The following TBL1XR1 variants were observed in gnomAD, a reference collection of about 807,000 sequenced individuals.
The protein encoded by TBL1XR1 is F-box-like/WD repeat-containing protein TBL1XR1.
In TBL1XR1, 5 loss-of-function variants were observed where a neutral mutation model predicts 66.9. That is an observed-to-expected ratio of 0.07 (90% CI 0.04 to 0.16). The LOEUF is 0.16. Among genes scored for constraint, TBL1XR1 ranks in the 10% least tolerant of loss-of-function variants. The pLI is 1.00. For synonymous variants in TBL1XR1, 210 were observed against 206.0 expected (o/e 1.02, Z -0.17); for missense variants, 238 against 623.2 (o/e 0.38, Z 6.58).
intron 1 of TBL1XR1, among the ~76,000 whole-genome samples, chr3:177,183,671 C>A (rs1735084585): frequency 6.6e-6 from 1 of 152,012 alleles, no homozygotes; most frequent in African/African-American, 2.4e-5. Context: ...CTACACCTTG[C>A]GAATTTTTTC....
At position 177,185,606 on chromosome 3, in the gene TBL1XR1, C is replaced by CAA. The variant is rs67181434; in HGVS notation, c.-122+11513_-122+11514dup. Among the ~76,000 whole-genome samples the CAA allele has an allele frequency of 4.1e-3, 590 of 144,984 alleles. 1 individual carries two copies. Among genetic ancestry groups the CAA allele is most frequent in the African/African-American group, 0.01 (406 of 39,376 alleles). ...CTGGGTCACAGAATGAGACTGTTTC[C>CAA]AAAAAAAAAAAACCAGTATTTTCTG... On this transcript the variant is annotated intron_variant, in intron 1 of 15. Transcript: ENST00000457928.
chr3:177,201,133 C>A (rs940368126), upstream of TBL1XR1, among the ~76,000 whole-genome samples: 2 of 151,002 alleles, frequency 1.3e-5, no homozygotes, highest in Admixed American at 1.3e-4. Flanking sequence ...ACTTGTTTTG[C>A]CGGGTGCAGT....
chr3:177,135,879 T>TA (rs891940606), intron 1 of TBL1XR1, among the ~76,000 whole-genome samples: 24 of 151,958 alleles, frequency 1.6e-4, no homozygotes, highest in African/African-American at 4.8e-4. Context: ...CTCTGGAGGT[T>TA]AATCCCAGAG....
intron 10 of TBL1XR1, 55 bp downstream of exon 10, chr3:177,046,074 T>C: frequency 7.4e-7 from 1 of 1,352,302 alleles, no homozygotes; most frequent in Non-Finnish European, 1.0e-6. Context: ...GTTAAAAGTT[T>C]AATTAGAAAA....
At chr3:177,069,107 C>A (rs1420550363) in intron 2 of TBL1XR1, among the ~76,000 whole-genome samples, 1 of 152,086 alleles carries the variant, frequency 6.6e-6, no homozygotes, top group Non-Finnish European at 1.5e-5. Context: ...TCTGTGTCAT[C>A]TATAAAATGA....
chr3:177,109,943 G>A (rs114401753), intron 1 of TBL1XR1, among the ~76,000 whole-genome samples: 393 of 152,252 alleles, frequency 2.6e-3, no homozygotes, highest in Middle Eastern at 6.8e-3. Context: ...TTATATCTTG[G>A]TGTTGTCCGC....
At chr3:177,066,394 G>A (rs1279864112) in intron 2 of TBL1XR1, among the ~76,000 whole-genome samples, 1 of 152,084 alleles carries the variant, frequency 6.6e-6, no homozygotes, top group Non-Finnish European at 1.5e-5. Context: ...TCAGACTAAA[G>A]GAGGGGCACG....
At position 177,181,050 on chromosome 3, in the gene TBL1XR1, T is replaced by C. The variant is rs75269918; in HGVS notation, c.-122+16071A>G. ...GCACTGGACCCCAGACCCGCTATCCTGGATATTTTCATCAGTGAGCTAGAA... is the reference window on the plus strand; with the variant it reads ...GCACTGGACCCCAGACCCGCTATCCCGGATATTTTCATCAGTGAGCTAGAA... On this transcript the variant is annotated intron_variant, in intron 1 of 15. Coordinates refer to ENST00000457928, the MANE Select transcript of TBL1XR1 (RefSeq NM_024665.7). Among the ~76,000 whole-genome samples, 324 of 152,174 alleles carry C rather than the reference T, an allele frequency of 2.1e-3. 2 individuals are homozygous for C. The highest frequency in any genetic ancestry group is 7.5e-3 in the African/African-American group (310 of 41,522).
intron 1 of TBL1XR1, chr3:177,110,822 G>C (rs1725466282): frequency 6.6e-6 from 1 of 152,164 alleles, no homozygotes; most frequent in Non-Finnish European, 1.5e-5. Flanking sequence ...CTCTTCATGA[G>C]AGAAAAGAAG....
At chr3:177,163,378 G>A (rs1268900227) in intron 1 of TBL1XR1, among the ~76,000 whole-genome samples, 3 of 151,798 alleles carry the variant, frequency 2.0e-5, no homozygotes, top group African/African-American at 7.3e-5. Flanking sequence ...GCATGGTGGC[G>A]GGCACCTGTA....
At chr3:177,088,218 A>C (rs1722394621) in intron 2 of TBL1XR1, among the ~76,000 whole-genome samples, 2 of 152,210 alleles carry the variant, frequency 1.3e-5, no homozygotes. Context: ...AAAATTCAAA[A>C]TCCAGAATGT....
intron 3 of TBL1XR1, among the ~76,000 whole-genome samples, chr3:177,059,746 G>T (rs1242740264): frequency 6.6e-6 from 1 of 152,114 alleles, no homozygotes; most frequent in East Asian, 1.9e-4. Flanking sequence ...ACAAAGTATT[G>T]TTCCTGGATA....
chr3:177,162,685 G>A (rs1732367639), intron 1 of TBL1XR1, among the ~76,000 whole-genome samples: 1 of 152,092 alleles, frequency 6.6e-6, no homozygotes, highest in African/African-American at 2.4e-5. Context: ...TCAACTAAAA[G>A]AAAGTTTACT....
At chr3:177,187,390 C>CAAAAA (rs57592940) in intron 1 of TBL1XR1, among the ~76,000 whole-genome samples, 1 of 68,672 alleles carries the variant, frequency 1.5e-5, no homozygotes. Flanking sequence ...GACTCTATCT[C>CAAAAA]AAAAAAAAAA....
rs775333140 is a variant in TBL1XR1, at chr3:177,152,037, ATAC to A, written c.-122+45081_-122+45083del. 3.9e-5 allele frequency among the ~76,000 whole-genome samples: 6 copies of A among 152,256 alleles called. No individual in the cohort carries two copies. In the East Asian group the frequency reaches 1.2e-3, roughly 29 times the overall value. On this transcript the variant is annotated intron_variant, in intron 1 of 15. Coordinates refer to ENST00000457928, the MANE Select transcript of TBL1XR1 (RefSeq NM_024665.7). ...AAGAAACTGTACTCTTTTGTCCTAA[ATAC>A]TACTACTGAATACAATTTGTTCCAA...
intron 1 of TBL1XR1, among the ~76,000 whole-genome samples, chr3:177,119,136 T>C (rs1726678988): frequency 6.6e-6 from 1 of 152,138 alleles, no homozygotes; most frequent in African/African-American, 2.4e-5. Flanking sequence ...CACACCCGGC[T>C]ACTATTTGTA....
intron 1 of TBL1XR1, among the ~76,000 whole-genome samples, chr3:177,171,777 C>A (rs1415710673): frequency 6.8e-6 from 1 of 146,488 alleles, no homozygotes; most frequent in Non-Finnish European, 1.5e-5. Flanking sequence ...GGAGAAATGG[C>A]TGACTCTAGG....
At chr3:177,110,565 G>A (rs1725429653) in intron 1 of TBL1XR1, among the ~76,000 whole-genome samples, 1 of 151,708 alleles carries the variant, frequency 6.6e-6, no homozygotes, top group Admixed American at 6.6e-5. Context: ...AAGGATAAAT[G>A]TCTGTGAAAA....
Position 177,195,332 on chromosome 3 carries a change from T to C in TBL1XR1, c.-122+1789A>G, listed in dbSNP as rs1427761205. 2.6e-5 allele frequency among the ~76,000 whole-genome samples: 4 copies of C among 151,798 alleles called. No individual in the cohort carries two copies. In the East Asian group the frequency reaches 7.7e-4, roughly 29 times the overall value. On this transcript the variant is annotated intron_variant, in intron 1 of 15. Transcript: ENST00000457928. ...CCCACAGGTAAATGCTAACTATTTC[T>C]AGAACTCTCAACTATTTGGGAAGCT...
Sources: gnomAD v4.1 joint callset for allele counts (sites outside exome capture counted in the v4.1 genomes callset) on GRCh38, gnomAD v4.1.1 for gene constraint, MANE v1.5 for transcripts, NCBI Gene and HGNC (gene_info 2026-07-23, HGNC 2026-07-21) for gene names.